The following MECOM variants were observed in gnomAD, a reference collection of about 807,000 sequenced individuals.
The protein encoded by MECOM is histone-lysine N-methyltransferase MECOM.
In MECOM, 13 loss-of-function variants were observed where a neutral mutation model predicts 116.3. The ratio of observed to expected loss-of-function variants is 0.11; its 90% CI spans 0.07 to 0.18. The LOEUF (loss-of-function observed/expected upper bound fraction) is 0.18. MECOM is among the 10% of genes least tolerant of loss of function. MECOM has a pLI of 1.00. For missense variants in MECOM, 1,299 were observed against 1,509.0 expected, an observed-to-expected ratio of 0.86 and a Z score of 2.31; for synonymous variants, 528 against 535.2, an observed-to-expected ratio of 0.99 and a Z score of 0.19.
At chr3:169,468,147 T>C (rs1465045717) in intron 1 of MECOM, among the ~76,000 whole-genome samples, 1 of 151,740 alleles carries the variant, frequency 6.6e-6, no homozygotes, top group Non-Finnish European at 1.5e-5. Context: ...TCACCTGCTC[T>C]GTTTCCTCCC....
At chr3:169,169,882 A>C (rs1744150597) in intron 2 of MECOM, among the ~76,000 whole-genome samples, 1 of 151,700 alleles carries the variant, frequency 6.6e-6, no homozygotes, top group African/African-American at 2.4e-5. Flanking sequence ...CCAGCCAGCC[A>C]AAATACAAAG....
intron 1 of MECOM, among the ~76,000 whole-genome samples, chr3:169,533,591 T>TTTTTTTTTTTTAA (rs55667588): frequency 3.0e-5 from 4 of 132,246 alleles, no homozygotes; most frequent in Admixed American, 7.5e-5. Flanking sequence ...TTTTTTTTTT[T>TTTTTTTTTTTTAA]ATTTCCTTAT....
intron 1 of MECOM, among the ~76,000 whole-genome samples, chr3:169,519,744 C>G (rs1421949328): frequency 1.3e-5 from 2 of 152,198 alleles, no homozygotes; most frequent in Admixed American, 1.3e-4. Context: ...ACTCCTTTGC[C>G]CATTTGTTTA....
At chr3:169,434,442 G>GTTT (rs141314375) in intron 1 of MECOM, among the ~76,000 whole-genome samples, 1 of 149,124 alleles carries the variant, frequency 6.7e-6, no homozygotes, top group Non-Finnish European at 1.5e-5. Flanking sequence ...AAAGTTTACT[G>GTTT]TTTTTTTTTT....
At chr3:169,479,032 G>A (rs1251381746) in intron 1 of MECOM, among the ~76,000 whole-genome samples, 1 of 152,038 alleles carries the variant, frequency 6.6e-6, no homozygotes, top group Non-Finnish European at 1.5e-5. Flanking sequence ...TGAATGGGAG[G>A]GCCACAGTAG....
intron 2 of MECOM, among the ~76,000 whole-genome samples, chr3:169,356,267 T>C (rs996497193): frequency 2.0e-5 from 3 of 151,906 alleles, no homozygotes; most frequent in African/African-American, 7.2e-5. Context: ...CATTACTACT[T>C]AATTTGCTAA....
chr3:169,169,024 T>C (rs974162577), intron 2 of MECOM, among the ~76,000 whole-genome samples: 12 of 152,076 alleles, frequency 7.9e-5, no homozygotes, highest in Admixed American at 1.3e-4. Context: ...CAGGCAAAAA[T>C]AAAATTATAT....
In MECOM at chr3:169,317,132, T is replaced by A. The variant is rs138785416; in HGVS notation, c.375+64055A>T. ...TTAAGTCCAGGGATAAGGGTTTCAG[T>A]GGTATCAGCAATATTACTGGCTTAG... is the stretch of plus-strand genomic sequence containing the variant. On this transcript the variant is annotated intron_variant, in intron 2 of 16. Coordinates refer to ENST00000651503, the MANE Select transcript of MECOM (RefSeq NM_004991.4). Among the ~76,000 whole-genome samples the A allele has an allele frequency of 3.3e-3, 507 of 152,320 alleles. 2 individuals are homozygous for A. Among genetic ancestry groups the A allele is most frequent in the African/African-American group, 0.012 (488 of 41,570 alleles).
chr3:169,594,646 A>G (rs909609037), intron 1 of MECOM, among the ~76,000 whole-genome samples: 4 of 151,586 alleles, frequency 2.6e-5, no homozygotes, highest in South Asian at 2.1e-4. Context: ...GAAGAGGTGA[A>G]TGGCAGGCTG....
chr3:169,478,206 T>C (rs1051061965), intron 1 of MECOM, among the ~76,000 whole-genome samples: 2 of 152,196 alleles, frequency 1.3e-5, no homozygotes, highest in African/African-American at 4.8e-5. Context: ...ATTTGGGGCA[T>C]TTTTACATAA....
intron 1 of MECOM, among the ~76,000 whole-genome samples, chr3:169,633,835 C>T (rs1210659592): frequency 1.4e-5 from 2 of 147,008 alleles, no homozygotes; most frequent in African/African-American, 5.1e-5. Context: ...GGTGAAGTGT[C>T]AGGGAGGAAA....
chr3:169,452,117 A>G (rs1464749054), intron 1 of MECOM, among the ~76,000 whole-genome samples: 1 of 152,020 alleles, frequency 6.6e-6, no homozygotes, highest in Non-Finnish European at 1.5e-5. Flanking sequence ...AAATCTTCCA[A>G]TAGACATCAA....
intron 1 of MECOM, among the ~76,000 whole-genome samples, chr3:169,414,843 A>T (rs1470225864): frequency 6.6e-6 from 1 of 152,154 alleles, no homozygotes; most frequent in Non-Finnish European, 1.5e-5. Flanking sequence ...AAAAAAGAAT[A>T]AAAAGGAATG....
intron 1 of MECOM, among the ~76,000 whole-genome samples, chr3:169,646,851 C>T (rs1321558200): frequency 6.6e-6 from 1 of 152,106 alleles, no homozygotes; most frequent in Non-Finnish European, 1.5e-5. Flanking sequence ...GTCATTCATT[C>T]AACCAAGACA....
chr3:169,482,351 A>C (rs1476940684), intron 1 of MECOM, among the ~76,000 whole-genome samples: 3 of 37,374 alleles, frequency 8.0e-5, no homozygotes, highest in African/African-American at 1.2e-4. Context: ...TTTTTTTTTG[A>C]GACGGAGTCT....
intron 2 of MECOM, among the ~76,000 whole-genome samples, chr3:169,207,089 G>A (rs1750036185): frequency 6.6e-6 from 1 of 152,144 alleles, no homozygotes; most frequent in African/African-American, 2.4e-5. Flanking sequence ...AGCATTATAA[G>A]ATTATTCATA....
At chr3:169,551,644 T>C (rs148478604) in intron 1 of MECOM, among the ~76,000 whole-genome samples, 15 of 152,344 alleles carry the variant, frequency 9.8e-5, no homozygotes, top group Admixed American at 2.0e-4. Context: ...CAAGACACTT[T>C]GGCACTTTTT....
intron 1 of MECOM, among the ~76,000 whole-genome samples, chr3:169,484,425 C>T (rs73174320): frequency 0.071 from 10,758 of 152,174 alleles, 655 homozygotes; most frequent in East Asian, 0.25. Context: ...TTAGTGTGTA[C>T]TTCCATAAAT....
chr3:169,661,808 G>A (rs1279703646), intron 1 of MECOM, among the ~76,000 whole-genome samples: 1 of 152,154 alleles, frequency 6.6e-6, no homozygotes, highest in African/African-American at 2.4e-5. Context: ...GGGGGAGACT[G>A]GGATTTCACT....
Sources: allele counts gnomAD v4.1 joint callset (sites outside exome capture counted in the v4.1 genomes callset), GRCh38; gene constraint gnomAD v4.1.1; transcripts MANE v1.5; gene names NCBI Gene and HGNC (gene_info 2026-07-23, HGNC 2026-07-21).